Variants in RNF111 observed in about 807,000 individuals in gnomAD.
RNF111 encodes the protein E3 ubiquitin-protein ligase Arkadia.
RNF111 carries 17 observed loss-of-function variants against 95.1 expected under a neutral mutation model. The ratio of observed to expected loss-of-function variants is 0.18; its 90% CI spans 0.12 to 0.27. RNF111 has a LOEUF of 0.27. Among genes scored for constraint, RNF111 ranks in the 10% least tolerant of loss-of-function variants. The probability of loss-of-function intolerance (pLI) is 1.00; values close to 1 mark genes in which losing one functional copy is unlikely to be tolerated. For missense variants in RNF111, 1,189 were observed against 1,210.4 expected (o/e 0.98, Z 0.26); for synonymous variants, 440 against 414.8 (o/e 1.06, Z -0.74).
At chr15:59,017,467 A>G (rs1038391680) in intron 1 of RNF111, among the ~76,000 whole-genome samples, 3 of 152,206 alleles carry the variant, frequency 2.0e-5, no homozygotes, top group African/African-American at 7.2e-5. Context: ...AATTTTGAAG[A>G]CATGTTGAAG....
intron 6 of RNF111, among the ~76,000 whole-genome samples, chr15:59,074,668 C>T (rs2043092301): frequency 6.6e-6 from 1 of 152,156 alleles, no homozygotes; most frequent in African/African-American, 2.4e-5. Context: ...CTAAAACTTT[C>T]TTTAGATCAG....
chr15:59,033,537 A>G (rs2041018742), intron 2 of RNF111, among the ~76,000 whole-genome samples: 1 of 152,222 alleles, frequency 6.6e-6, no homozygotes, highest in Non-Finnish European at 1.5e-5. Flanking sequence ...TCAAGTGGTC[A>G]GAATGTGCAT....
chr15:59,025,808 G>A (rs539080649), intron 1 of RNF111, among the ~76,000 whole-genome samples: 5 of 151,326 alleles, frequency 3.3e-5, no homozygotes, highest in African/African-American at 9.7e-5. Flanking sequence ...TCGGCTCACC[G>A]CAACCGCTGC....
At chr15:59,049,193 G>A (rs1036528210) in intron 2 of RNF111, among the ~76,000 whole-genome samples, 1 of 151,910 alleles carries the variant, frequency 6.6e-6, no homozygotes, top group Non-Finnish European at 1.5e-5. Context: ...CTTTCTCCTC[G>A]CTCTGACCCT....
chr15:59,072,769 TC>T (rs1407306982), intron 6 of RNF111, among the ~76,000 whole-genome samples: 3 of 152,012 alleles, frequency 2.0e-5, no homozygotes, highest in Admixed American at 2.0e-4. Flanking sequence ...TCCATCTTTT[TC>T]CTAGTATCTT....
At chr15:59,008,635 A>G (rs538802758) in intron 1 of RNF111, among the ~76,000 whole-genome samples, 13 of 152,318 alleles carry the variant, frequency 8.5e-5, no homozygotes, top group South Asian at 2.1e-4. Context: ...CCTTACACCA[A>G]TAGCCCCAGT....
intron 2 of RNF111, among the ~76,000 whole-genome samples, chr15:59,037,474 A>T (rs1462252443): frequency 6.6e-6 from 1 of 152,196 alleles, no homozygotes. Flanking sequence ...ACATTTAATA[A>T]CACAAAAACC....
At chr15:59,027,510 A>G (rs1200087457) in intron 1 of RNF111, among the ~76,000 whole-genome samples, 1 of 152,102 alleles carries the variant, frequency 6.6e-6, no homozygotes, top group African/African-American at 2.4e-5. Context: ...ACTGAAAATA[A>G]AAGAAATTCT....
In RNF111 at chr15:59,015,471, C is replaced by G. The variant is rs2040021646; in HGVS notation, c.-19-15333C>G. ...GAAACTGCTAAAACTACTCTTTGCC[C>G]CCATCACTGTAAGAGCTTCCTCCGT... On this transcript the variant is annotated intron_variant, in intron 1 of 13. Coordinates refer to ENST00000348370, the MANE Select transcript of RNF111 (RefSeq NM_017610.8). Among the ~76,000 whole-genome samples the G allele has an allele frequency of 2.0e-5, 3 of 151,942 alleles. No homozygotes were observed. The South Asian group carries it at 6.2e-4, about 32-fold the overall frequency.
At chr15:59,014,758 CTT>C (rs1235678150) in intron 1 of RNF111, among the ~76,000 whole-genome samples, 58 of 140,368 alleles carry the variant, frequency 4.1e-4, no homozygotes, top group African/African-American at 3.6e-4. Context: ...GAATTGCAGA[CTT>C]TTTTTTTTTT....
At chr15:59,084,550 CA>C (rs1445429802) in intron 9 of RNF111, among the ~76,000 whole-genome samples, 1 of 152,124 alleles carries the variant, frequency 6.6e-6, no homozygotes. Flanking sequence ...TACATACATA[CA>C]TTGTGAAATG....
At position 59,081,045 on chromosome 15, in the gene RNF111, T is replaced by C; in HGVS notation, c.2058T>C (p.Pro686=). Reference sequence around the variant, plus strand: ...CGCCTCAAGTGGATTATGTTATTCCTCATCCTGTACATGCTTTCCATTCTC... The same window carrying C: ...CGCCTCAAGTGGATTATGTTATTCCCCATCCTGTACATGCTTTCCATTCTC... ...QPPPQVDYVI[P]HPVHAFHSQI... Residue 686 remains proline (P), a synonymous_variant, in exon 8 of 14, where the codon CCT becomes CCC. Coordinates refer to ENST00000348370, the MANE Select transcript of RNF111 (RefSeq NM_017610.8). 6.2e-7 allele frequency: 1 copy of C among 1,614,126 alleles called. No individual in the cohort carries two copies. The highest frequency in any genetic ancestry group is 1.1e-5 in the South Asian group (1 of 91,072).
intron 4 of RNF111, among the ~76,000 whole-genome samples, chr15:59,056,824 A>T (rs541141365): frequency 8.5e-5 from 13 of 152,362 alleles, no homozygotes; most frequent in African/African-American, 2.9e-4. Flanking sequence ...TTAATTAAAT[A>T]TAGGGTGACT....
rs1454649712 is a variant in RNF111, at chr15:59,096,820, T to C, written c.*1920T>C. 6.6e-6 allele frequency: 1 copy of C among 152,192 alleles called. No homozygotes were observed. The highest frequency in any genetic ancestry group is 1.5e-5 in the Non-Finnish European group (1 of 68,032). The allele number at this position is 152,192 out of a possible 1,614,324, so 9.4% of individuals were successfully genotyped here. On this transcript the variant is annotated 3_prime_UTR_variant, in exon 14 of 14. Transcript: ENST00000348370. ...TACTTTGCCACTGGAATACCCCGGG[T>C]CTGTGCCAAGGGACTGAAGAAGTGT...
intron 5 of RNF111, among the ~76,000 whole-genome samples, chr15:59,062,773 C>T (rs1331558459): frequency 6.6e-6 from 1 of 152,192 alleles, no homozygotes; most frequent in African/African-American, 2.4e-5. Flanking sequence ...CAAACCTAGG[C>T]AGTCTGGCGT....
In RNF111 at chr15:59,072,450, C is replaced by CTTTT. The variant is rs35989790; in HGVS notation, c.1687-3484_1687-3481dup. On this transcript the variant is annotated intron_variant, in intron 6 of 13. Coordinates refer to ENST00000348370, the MANE Select transcript of RNF111 (RefSeq NM_017610.8). ...CTAAATCTTTCGCTGTCATTTCCAT[C>CTTTT]TTTTTTTTTTTTTTTTTTTTTTTGA... is the stretch of plus-strand genomic sequence containing the variant. Among the ~76,000 whole-genome samples, 190 of 102,770 alleles carry CTTTT rather than the reference C, an allele frequency of 1.8e-3. 2 individuals carry two copies. The highest frequency in any genetic ancestry group is 3.5e-3 in the African/African-American group (87 of 24,818). 67.4% of individuals were successfully genotyped at this position (102,770 alleles called of 152,430 possible).
At chr15:59,067,648 C>T (rs191167162) in intron 6 of RNF111, among the ~76,000 whole-genome samples, 1 of 152,262 alleles carries the variant, frequency 6.6e-6, no homozygotes, top group East Asian at 1.9e-4. Context: ...AAAACTGATA[C>T]TTAATCTAAA....
intron 6 of RNF111, among the ~76,000 whole-genome samples, chr15:59,075,611 G>C (rs1279122768): frequency 6.6e-6 from 1 of 152,158 alleles, no homozygotes; most frequent in Non-Finnish European, 1.5e-5. Context: ...GGAGAATATA[G>C]AAGTATGATT....
chr15:59,056,108 C>G (rs2042189966), intron 4 of RNF111, among the ~76,000 whole-genome samples: 1 of 152,060 alleles, frequency 6.6e-6, no homozygotes, highest in African/African-American at 2.4e-5. Flanking sequence ...TTAGCTCAAA[C>G]TAGTTTAGTT....
Sources: allele counts gnomAD v4.1 joint callset (sites outside exome capture counted in the v4.1 genomes callset), GRCh38; gene constraint gnomAD v4.1.1; transcripts MANE v1.5; gene names NCBI Gene and HGNC (gene_info 2026-07-23, HGNC 2026-07-21).